Variants in MBNL3 observed in about 807,000 individuals in gnomAD.
The protein encoded by MBNL3 is muscleblind-like protein 3.
In MBNL3, 6 loss-of-function variants were observed where a neutral mutation model predicts 24.5. That is an observed-to-expected ratio of 0.25 (90% CI 0.13 to 0.48). MBNL3 has a LOEUF of 0.48. Among genes scored for constraint, MBNL3 ranks in the 20% least tolerant of loss-of-function variants. The pLI, the probability that MBNL3 is intolerant of heterozygous loss-of-function variation, is 0.99. For synonymous variants in MBNL3, 100 were observed against 101.7 expected, an observed-to-expected ratio of 0.98 and a Z score of 0.10; for missense variants, 230 against 293.5, an observed-to-expected ratio of 0.78 and a Z score of 1.58.
intron 1 of MBNL3, among the ~76,000 whole-genome samples, chrX:132,484,056 G>A (rs2148551743): frequency 9.0e-6 from 1 of 111,218 alleles, no homozygotes; most frequent in East Asian, 2.8e-4. Context: ...TTGTAATGAA[G>A]ACTGATATCC....
chrX:132,475,071 G>A (rs1453606948), intron 1 of MBNL3, among the ~76,000 whole-genome samples: 1 of 111,646 alleles, frequency 9.0e-6, no homozygotes, highest in African/African-American at 3.3e-5. Context: ...CACTCCTAGG[G>A]GTGAGGGATT....
Position 132,427,511 on chromosome X carries a change from G to C in MBNL3, c.177+11924C>G, listed in dbSNP as rs181462092. ...GTGAAATATTTAAAACAAGAACACA[G>C]AGTACATGAAGCTATTAAAAATCCT... is the stretch of plus-strand genomic sequence containing the variant. On this transcript the variant is annotated intron_variant, in intron 2 of 8. Transcript: ENST00000370853. Among the ~76,000 whole-genome samples, 8 of 111,955 alleles carry C rather than the reference G, an allele frequency of 7.1e-5. No homozygotes were observed. The Admixed American group carries it at 7.6e-4, about 11-fold the overall frequency.
chrX:132,382,155 A>C, intron 8 of MBNL3, 23 bp downstream of exon 8: 10 of 1,193,888 alleles, frequency 8.4e-6, no homozygotes, highest in Non-Finnish European at 1.1e-5. Context: ...CTTGATCTGA[A>C]CAGCTTAAAT....
intron 2 of MBNL3, among the ~76,000 whole-genome samples, chrX:132,419,643 A>G (rs1030180502): frequency 3.6e-5 from 4 of 111,810 alleles, no homozygotes; most frequent in African/African-American, 9.8e-5. Flanking sequence ...AGGAGGTTTT[A>G]GTTAAATGAC....
rs772429282 is a variant in MBNL3 at position 132,424,795 on chromosome X, GT to G, written c.177+14639del. On this transcript the variant is annotated intron_variant, in intron 2 of 8. Coordinates refer to ENST00000370853, the MANE Select transcript of MBNL3 (RefSeq NM_001386889.1). ...CTTTCCTCCTTCCTTCTTTCCTTCT[GT>G]TTTTTTTTTTTTAAATCTCTGACTT... 2.4e-3 allele frequency among the ~76,000 whole-genome samples: 223 copies of G among 93,463 alleles called. 1 individual carries two copies. The highest frequency in any genetic ancestry group is 3.5e-3 in the African/African-American group (91 of 26,000). 81.2% of individuals were successfully genotyped at this position (93,463 alleles called of 115,157 possible).
At chrX:132,475,749 C>T (rs1275679807) in intron 1 of MBNL3, among the ~76,000 whole-genome samples, 1 of 111,355 alleles carries the variant, frequency 9.0e-6, no homozygotes, top group Non-Finnish European at 1.9e-5. Context: ...AAGTATAATA[C>T]ATTCCTGGAG....
intron 7 of MBNL3, 145 bp downstream of exon 7, chrX:132,384,518 C>T (rs746894684): frequency 2.0e-6 from 1 of 498,182 alleles, no homozygotes; most frequent in Non-Finnish European, 3.3e-6. Flanking sequence ...GCTACAAAGA[C>T]ATAAAACAGA....
chrX:132,414,603 A>C (rs1341048776), intron 2 of MBNL3, among the ~76,000 whole-genome samples: 1 of 111,644 alleles, frequency 9.0e-6, no homozygotes, highest in Admixed American at 9.5e-5. Context: ...TAAAGTAAAG[A>C]AACCTGGTTA....
intron 2 of MBNL3, among the ~76,000 whole-genome samples, chrX:132,421,503 G>T (rs532055942): frequency 9.0e-6 from 1 of 111,713 alleles, no homozygotes; most frequent in Non-Finnish European, 1.9e-5. Flanking sequence ...TATTCTAGGC[G>T]AAAAGGCAGA....
chrX:132,376,379 A>C lies in MBNL3; in HGVS notation c.*3287T>G, dbSNP rs1934146826. On this transcript the variant is annotated 3_prime_UTR_variant, in exon 9 of 9. Coordinates refer to ENST00000370853, the MANE Select transcript of MBNL3 (RefSeq NM_001386889.1). ...TAATTTAATCTTAATCCCTCTTTAA[A>C]ATATACGTATGTTATGGTCACATAG... 1 of 111,755 alleles carries C rather than the reference A, an allele frequency of 8.9e-6. No homozygotes were observed. Among genetic ancestry groups the C allele is most frequent in the African/African-American group, 3.2e-5 (1 of 30,828 alleles). The allele number at this position is 111,755 out of a possible 1,213,427, so 9.2% of individuals were successfully genotyped here.
rs374644089 is a variant in MBNL3, at chrX:132,382,157, A to G, written c.1053+21T>C. ...ACATTGTAGTTATCTTGATCTGAAC[A>G]GCTTAAATAAATGGCCAAACCTGAT... On this transcript the variant is annotated intron_variant, in intron 8 of 8. Coordinates refer to ENST00000370853, the MANE Select transcript of MBNL3 (RefSeq NM_001386889.1). 4 of 1,195,420 alleles carry G rather than the reference A, an allele frequency of 3.3e-6. No individual in the cohort carries two copies. The African/African-American group carries it at 7.0e-5, about 21-fold the overall frequency.
rs946068441 is a variant in MBNL3 at position 132,432,209 on chromosome X, A to G, written c.177+7226T>C. On this transcript the variant is annotated intron_variant, in intron 2 of 8. Coordinates refer to ENST00000370853, the MANE Select transcript of MBNL3 (RefSeq NM_001386889.1). ...TATCTATGGGAGAGGGAAAACCAAA[A>G]TATCAGTTTGGAGGTCAACTGATTA... The G allele has an allele frequency of 6.3e-5, 7 of 111,698 alleles. 1 individual carries two copies. The South Asian group carries it at 2.6e-3, about 42-fold the overall frequency. The allele number at this position is 111,698 out of a possible 1,213,427, so 9.2% of individuals were successfully genotyped here.
intron 1 of MBNL3, among the ~76,000 whole-genome samples, chrX:132,455,019 G>C (rs1051742108): frequency 2.7e-5 from 3 of 112,173 alleles, no homozygotes; most frequent in African/African-American, 9.7e-5. Context: ...TGCAACATAG[G>C]CTTGCTTTTA....
intron 1 of MBNL3, among the ~76,000 whole-genome samples, chrX:132,473,972 T>C (rs1947311541): frequency 8.9e-6 from 1 of 111,784 alleles, no homozygotes; most frequent in Non-Finnish European, 1.9e-5. Context: ...GACATTAAAT[T>C]CAAAGCTTAA....
intron 1 of MBNL3, among the ~76,000 whole-genome samples, chrX:132,441,215 G>T (rs1197273135): frequency 1.8e-5 from 2 of 111,861 alleles, no homozygotes; most frequent in Admixed American, 9.5e-5. Context: ...ACATAATTTG[G>T]CCTCTAATTA....
chrX:132,380,371 C>A (rs926978265), intron 8 of MBNL3, among the ~76,000 whole-genome samples: 2 of 112,047 alleles, frequency 1.8e-5, no homozygotes, highest in Non-Finnish European at 3.8e-5. Context: ...TTCCAAGTTG[C>A]CACTATCCCA....
intron 1 of MBNL3, among the ~76,000 whole-genome samples, chrX:132,458,031 G>A (rs1167615810): frequency 9.0e-6 from 1 of 111,195 alleles, no homozygotes; most frequent in Non-Finnish European, 1.9e-5. Context: ...GTAAATGTAG[G>A]CCTCTAAATC....
intron 6 of MBNL3, among the ~76,000 whole-genome samples, chrX:132,385,539 G>T (rs1474705215): frequency 1.8e-5 from 2 of 111,452 alleles, no homozygotes; most frequent in Non-Finnish European, 3.8e-5. Context: ...TAGACATTAT[G>T]TGTGTTTTTC....
intron 1 of MBNL3, among the ~76,000 whole-genome samples, chrX:132,447,033 A>G (rs1227266088): frequency 9.0e-6 from 1 of 111,382 alleles, no homozygotes; most frequent in African/African-American, 3.3e-5. Flanking sequence ...TGTTTTTGTC[A>G]GGTTTGTCAA....
Sources: gnomAD v4.1 joint callset for allele counts (sites outside exome capture counted in the v4.1 genomes callset) on GRCh38, gnomAD v4.1.1 for gene constraint, MANE v1.5 for transcripts, NCBI Gene and HGNC (gene_info 2026-07-23, HGNC 2026-07-21) for gene names.